PTPN14: variants seen among roughly 807,000 people sequenced by gnomAD.
PTPN14 encodes protein tyrosine phosphatase non-receptor type 14, also known as tyrosine-protein phosphatase non-receptor type 14.
A neutral mutation model predicts 126.8 loss-of-function variants in PTPN14; 53 were observed. The ratio of observed to expected loss-of-function variants is 0.42; its 90% confidence interval spans 0.34 to 0.53. The LOEUF is 0.53. PTPN14 is among the 20% of genes least tolerant of loss of function. The pLI is 0.08. For missense variants in PTPN14, 1,257 were observed against 1,552.9 expected (o/e 0.81, Z 3.20); for synonymous variants, 630 against 599.3 (o/e 1.05, Z -0.75).
chr1:214,521,870 C>A (rs1251971503), intron 1 of PTPN14, among the ~76,000 whole-genome samples: 1 of 151,058 alleles, frequency 6.6e-6, no homozygotes, highest in Non-Finnish European at 1.5e-5. Flanking sequence ...GTACCTAAAA[C>A]CATGTTTCAT....
intron 1 of PTPN14, chr1:214,531,438 C>T (rs549601724): frequency 6.6e-6 from 1 of 151,268 alleles, no homozygotes; most frequent in East Asian, 2.0e-4. Context: ...GGCATTTGCA[C>T]TCCAATAGTA....
intron 1 of PTPN14, among the ~76,000 whole-genome samples, chr1:214,525,615 G>T (rs1437519264): frequency 6.6e-6 from 1 of 152,178 alleles, no homozygotes; most frequent in Non-Finnish European, 1.5e-5. Context: ...TTCAACCACA[G>T]AGTTAAAACA....
At position 214,490,773 on chromosome 1, in the gene PTPN14, G is replaced by A. The variant is rs530713312; in HGVS notation, c.-154-25816C>T. ...AATCACTTGAACCCGGGAGGTGGAG[G>A]TTGCAGTGAGCCGAGATTGCGCCAC... On this transcript the variant is annotated intron_variant, in intron 1 of 18. Transcript: ENST00000366956. Among the ~76,000 whole-genome samples the A allele has an allele frequency of 1.5e-3, 219 of 147,838 alleles. 1 individual carries two copies. The highest frequency in any genetic ancestry group is 5.3e-3 in the African/African-American group (211 of 39,948).
chr1:214,359,614 G>A (rs1657909289), intron 18 of PTPN14, among the ~76,000 whole-genome samples: 1 of 151,902 alleles, frequency 6.6e-6, no homozygotes, highest in African/African-American at 2.4e-5. Context: ...CAACCTCCTA[G>A]GCTCAAGCAA....
At chr1:214,410,300 CTTTTT>C (rs55645471) in intron 5 of PTPN14, among the ~76,000 whole-genome samples, 1 of 135,192 alleles carries the variant, frequency 7.4e-6, no homozygotes, top group Non-Finnish European at 1.6e-5. Flanking sequence ...TTTTTTTTTT[CTTTTT>C]TTTTTTTTGA....
At chr1:214,485,672 G>A (rs534490395) in intron 1 of PTPN14, among the ~76,000 whole-genome samples, 135 of 151,956 alleles carry the variant, frequency 8.9e-4, no homozygotes, top group African/African-American at 2.8e-3. Flanking sequence ...TCTGTACTGC[G>A]CCTAAATGCA....
intron 11 of PTPN14, among the ~76,000 whole-genome samples, chr1:214,389,416 C>T (rs541695696): frequency 2.0e-5 from 3 of 152,286 alleles, no homozygotes; most frequent in South Asian, 4.1e-4. Context: ...TCTTCCCAGA[C>T]CTGCTAATAG....
intron 18 of PTPN14, among the ~76,000 whole-genome samples, chr1:214,359,258 G>T (rs1245368332): frequency 6.7e-6 from 1 of 148,982 alleles, no homozygotes; most frequent in Non-Finnish European, 1.5e-5. Context: ...CTGTCTCCCA[G>T]GCTGGAGTGC....
chr1:214,503,263 T>C (rs1444768967), intron 1 of PTPN14, among the ~76,000 whole-genome samples: 2 of 152,208 alleles, frequency 1.3e-5, no homozygotes, highest in East Asian at 1.9e-4. Flanking sequence ...AAAACTAATA[T>C]CTAATGACAT....
intron 1 of PTPN14, among the ~76,000 whole-genome samples, chr1:214,485,749 G>A (rs1229822257): frequency 1.3e-5 from 2 of 151,096 alleles, no homozygotes; most frequent in Non-Finnish European, 1.5e-5. Flanking sequence ...TTTTTGAGAC[G>A]GAGTCTCGCT....
chr1:214,483,900 G>A (rs1196796972), intron 1 of PTPN14, among the ~76,000 whole-genome samples: 3 of 152,094 alleles, frequency 2.0e-5, no homozygotes, highest in African/African-American at 4.8e-5. Flanking sequence ...CACAGAGCAG[G>A]CCAGTTGGAT....
At chr1:214,505,501 G>A (rs566999436) in intron 1 of PTPN14, among the ~76,000 whole-genome samples, 3 of 152,200 alleles carry the variant, frequency 2.0e-5, no homozygotes, top group Admixed American at 1.3e-4. Flanking sequence ...TGCCAGCTGC[G>A]ATGTAAGGAG....
chr1:214,463,817 T>C lies in PTPN14; in HGVS notation c.174+813A>G, dbSNP rs545496599. On this transcript the variant is annotated intron_variant, in intron 2 of 18. Transcript: ENST00000366956. Reference sequence around the variant, plus strand: ...CTCAGGGGCTTGCAGTCATTCAGTATTGGCAACCACTCAACCATACCACCT... The same window carrying C: ...CTCAGGGGCTTGCAGTCATTCAGTACTGGCAACCACTCAACCATACCACCT... Among the ~76,000 whole-genome samples, 38 of 152,318 alleles carry C rather than the reference T, an allele frequency of 2.5e-4. No individual in the cohort carries two copies. In the South Asian group the frequency reaches 6.4e-3, roughly 26 times the overall value.
At chr1:214,408,861 T>C (rs1262327422) in intron 5 of PTPN14, among the ~76,000 whole-genome samples, 2 of 151,704 alleles carry the variant, frequency 1.3e-5, no homozygotes, top group African/African-American at 4.8e-5. Context: ...AGAAGCTCAG[T>C]ACGTTCAGAA....
intron 1 of PTPN14, among the ~76,000 whole-genome samples, chr1:214,476,340 T>C (rs1420758517): frequency 7.3e-6 from 1 of 137,788 alleles, no homozygotes; most frequent in Non-Finnish European, 1.7e-5. Context: ...AGAAACTCAC[T>C]GAGGATAAAC....
chr1:214,399,303 G>C (rs1658962661), intron 7 of PTPN14, among the ~76,000 whole-genome samples: 1 of 152,174 alleles, frequency 6.6e-6, no homozygotes, highest in African/African-American at 2.4e-5. Flanking sequence ...CATCCTAGTG[G>C]ACTATATAGA....
intron 15 of PTPN14, 139 bp downstream of exon 15, chr1:214,376,080 C>A: frequency 1.4e-6 from 1 of 738,014 alleles, no homozygotes; most frequent in South Asian, 1.9e-5. Flanking sequence ...AAGAAAAGCA[C>A]AGGAGTTCAA....
At chr1:214,413,091 G>A (rs1490553306) in intron 4 of PTPN14, among the ~76,000 whole-genome samples, 1 of 152,094 alleles carries the variant, frequency 6.6e-6, no homozygotes, top group Non-Finnish European at 1.5e-5. Context: ...TGCCCAGGGT[G>A]GTCTCAAACT....
chr1:214,495,624 AG>A, intron 1 of PTPN14, among the ~76,000 whole-genome samples: 1 of 152,264 alleles, frequency 6.6e-6, no homozygotes, highest in Non-Finnish European at 1.5e-5. Context: ...GGGGAGGAAA[AG>A]TGCTTTTCAG....
Sources: gnomAD v4.1 joint callset for allele counts (sites outside exome capture counted in the v4.1 genomes callset) on GRCh38, gnomAD v4.1.1 for gene constraint, MANE v1.5 for transcripts, NCBI Gene and HGNC (gene_info 2026-07-23, HGNC 2026-07-21) for gene names.